ZRANB2: variants seen among roughly 807,000 people sequenced by gnomAD.
The protein encoded by ZRANB2 is zinc finger RANBP2-type containing 2.
ZRANB2 carries 19 observed loss-of-function variants against 53.4 expected under a neutral mutation model. The observed-to-expected ratio is 0.36, with a 90% CI of 0.25 to 0.52. The LOEUF is 0.52. Among genes scored for constraint, ZRANB2 ranks in the 20% least tolerant of loss-of-function variants. The pLI, the probability that ZRANB2 is intolerant of heterozygous loss-of-function variation, is 0.93. For missense variants in ZRANB2, 309 were observed against 401.1 expected, an observed-to-expected ratio of 0.77 and a Z score of 1.96; for synonymous variants, 145 against 134.8, an observed-to-expected ratio of 1.08 and a Z score of -0.52.
chr1:71,071,879 A>G (rs570939679), intron 6 of ZRANB2, among the ~76,000 whole-genome samples: 82 of 152,256 alleles, frequency 5.4e-4, no homozygotes, highest in Admixed American at 2.5e-3. Flanking sequence ...ACCTATTTAT[A>G]TATTTCCTCC....
chr1:71,079,507 T>A (rs1383926499), intron 1 of ZRANB2, among the ~76,000 whole-genome samples: 4 of 152,306 alleles, frequency 2.6e-5, no homozygotes, highest in Non-Finnish European at 4.4e-5. Context: ...ACAATACAGA[T>A]GTGAAGTATG....
In ZRANB2 at chr1:71,066,830, G is replaced by C; in HGVS notation, c.875C>G (p.Ser292Cys). 1.2e-6 allele frequency: 2 copies of C among 1,612,422 alleles called. No homozygotes were observed. The highest frequency in any genetic ancestry group is 8.5e-7 in the Non-Finnish European group (1 of 1,179,482). Residue 292 changes from serine (S) to cysteine (C), a missense_variant, in exon 9 of 10, where the codon TCT (serine) becomes TGT (cysteine). By Grantham distance (112) the Ser-to-Cys change is moderately radical (BLOSUM62 -1). Around this residue, in one of 3 missense-constraint regions of ZRANB2, gnomAD observed 211 missense variants for 196.1 expected, o/e 1.08. Transcript: ENST00000370920. ...ERNRKRSRSR[S>C]SSSGDRKKRR... ...TTTTTTGCGATCACCAGATGAAGAA[G>C]ATCTAGAACGACTTCTCTTTCTGTT... is the stretch of plus-strand genomic sequence containing the variant.
chr1:71,069,521 G>C, intron 7 of ZRANB2, 159 bp from the exon 8 acceptor site: 1 of 458,030 alleles, frequency 2.2e-6, no homozygotes, highest in Non-Finnish European at 3.9e-6. Flanking sequence ...AATTAGATAA[G>C]ATTTAGTAAC....
In ZRANB2 at chr1:71,078,703, C is replaced by T. The variant is rs1181367010; in HGVS notation, c.62G>A (p.Gly21Glu). 1 of 1,612,290 alleles carries T rather than the reference C, an allele frequency of 6.2e-7. No individual in the cohort carries two copies. Among genetic ancestry groups the T allele is most frequent in the South Asian group, 1.1e-5 (1 of 90,820 alleles). Residue 21 changes from glycine (G) to glutamate (E), a missense_variant, in exon 2 of 10, where the codon GGA (glycine) becomes GAA (glutamate). Gly to Glu is a moderately conservative substitution (Grantham distance 98). Transcript: ENST00000370920. The stretch of plus-strand genomic sequence containing the variant: ...GGTTCTTCTAGCAAAGTTTACATTT[C>T]CACATCTAAAAACAGATTAAAAAGC... Reference protein sequence around the residue: ...GDWICPDKKCGNVNFARRTSC... With the variant: ...GDWICPDKKCENVNFARRTSC...
In ZRANB2 at chr1:71,072,214, A is replaced by C; in HGVS notation, c.420T>G (p.Gly140=). ...KKKKYRGKAV[G]PASILKEVED... is the part of the protein sequence containing the mutation. ...CAACTTCCTTTAATATAGATGCAGG[A>C]CCAACTGCTTTCCCTCTGTATTTTT... is the stretch of plus-strand genomic sequence containing the variant. The change falls in exon 6 of 10, where the codon GGT becomes GGG. Residue 140 remains glycine, a synonymous_variant. Coordinates refer to ENST00000370920, the MANE Select transcript of ZRANB2 (RefSeq NM_203350.3). 1 of 1,611,846 alleles carries C rather than the reference A, an allele frequency of 6.2e-7. No homozygotes were observed. Among genetic ancestry groups the C allele is most frequent in the Non-Finnish European group, 8.5e-7 (1 of 1,179,170 alleles).
At chr1:71,078,054 C>T (rs1302851513) in intron 3 of ZRANB2, among the ~76,000 whole-genome samples, 3 of 152,104 alleles carry the variant, frequency 2.0e-5, no homozygotes, top group Admixed American at 1.3e-4. Flanking sequence ...TTACGGCACA[C>T]AACTTATGAA....
intron 1 of ZRANB2, 115 bp downstream of exon 1, chr1:71,080,825 C>G: frequency 1.6e-6 from 2 of 1,244,178 alleles, no homozygotes; most frequent in East Asian, 4.6e-5. Flanking sequence ...TGGCGGTTCG[C>G]CGCCTCAACC....
In ZRANB2 at chr1:71,078,668, G is replaced by T. The variant is rs772654653; in HGVS notation, c.97C>A (p.Arg33=). ...TTTAAATACTTACCCCGACCACATC[G>T]ATTACAGCTGGTTCTTCTAGCAAAG... ...VNFARRTSCN[R]CGREKTTEAK... Residue 33 remains arginine (R), a synonymous_variant, in exon 2 of 10, where the codon CGA becomes AGA. Coordinates refer to ENST00000370920, the MANE Select transcript of ZRANB2 (RefSeq NM_203350.3). The T allele has an allele frequency of 2.5e-6, 4 of 1,613,024 alleles. No individual in the cohort carries two copies. The highest frequency in any genetic ancestry group is 3.4e-6 in the Non-Finnish European group (4 of 1,179,272).
At chr1:71,071,595 GT>G (rs1377485186) in intron 6 of ZRANB2, among the ~76,000 whole-genome samples, 1 of 152,044 alleles carries the variant, frequency 6.6e-6, no homozygotes, top group Admixed American at 6.6e-5. Context: ...AATGTGTGCT[GT>G]CCCCCTCATC....
chr1:71,077,190 A>G (rs1312193307), intron 3 of ZRANB2, among the ~76,000 whole-genome samples: 4 of 152,110 alleles, frequency 2.6e-5, no homozygotes, highest in Non-Finnish European at 5.9e-5. Flanking sequence ...AAATCCAAAA[A>G]CGTTCCAAAA....
intron 4 of ZRANB2, among the ~76,000 whole-genome samples, chr1:71,073,775 T>C (rs1211502534): frequency 6.6e-6 from 1 of 152,094 alleles, no homozygotes; most frequent in Non-Finnish European, 1.5e-5. Flanking sequence ...TTCAAAAGTA[T>C]GTAAATAAAA....
chr1:71,070,026 A>T (rs762638194), intron 7 of ZRANB2, among the ~76,000 whole-genome samples: 4 of 152,170 alleles, frequency 2.6e-5, no homozygotes, highest in Non-Finnish European at 4.4e-5. Context: ...CCAAAAAATT[A>T]CTAGTTATAG....
At chr1:71,079,971 C>G (rs1288806193) in intron 1 of ZRANB2, among the ~76,000 whole-genome samples, 2 of 152,084 alleles carry the variant, frequency 1.3e-5, no homozygotes, top group Non-Finnish European at 2.9e-5. Flanking sequence ...TTTACACACC[C>G]TATCCATGTT....
chr1:71,066,723 A>T (rs1661449341), intron 9 of ZRANB2, 53 bp downstream of exon 9: 2 of 1,545,492 alleles, frequency 1.3e-6, no homozygotes, highest in Non-Finnish European at 1.7e-6. Context: ...AGTTTACTTT[A>T]TCTATTAAAC....
chr1:71,074,223 G>A (rs933453611), intron 4 of ZRANB2, among the ~76,000 whole-genome samples: 4 of 152,074 alleles, frequency 2.6e-5, no homozygotes, highest in Admixed American at 6.6e-5. Flanking sequence ...ACCTTGCACA[G>A]TGGCCTATAA....
At chr1:71,076,907 G>T in intron 3 of ZRANB2, 30 bp from the exon 4 acceptor site, 7 of 1,504,472 alleles carry the variant, frequency 4.7e-6, no homozygotes, top group Non-Finnish European at 5.5e-6. Context: ...TAAATTAGTA[G>T]GCTATAATAT....
chr1:71,076,349 G>A (rs370389692), intron 4 of ZRANB2, among the ~76,000 whole-genome samples: 4 of 152,110 alleles, frequency 2.6e-5, no homozygotes, highest in Non-Finnish European at 4.4e-5. Flanking sequence ...TTTTGCAATC[G>A]ATATTTGAAA....
In ZRANB2 at chr1:71,063,591, G is replaced by C. The variant is rs1661353930; in HGVS notation, c.*1483C>G. 1 of 152,504 alleles carries C rather than the reference G, an allele frequency of 6.6e-6. No homozygotes were observed. Among genetic ancestry groups the C allele is most frequent in the South Asian group, 2.1e-4 (1 of 4,822 alleles). 9.4% of individuals were successfully genotyped at this position (152,504 alleles called of 1,614,324 possible). A position where few individuals can be genotyped will look rare whatever the true frequency, so the allele number is the denominator to read the frequency against. On this transcript the variant is annotated 3_prime_UTR_variant, in exon 10 of 10. Transcript: ENST00000370920. The stretch of plus-strand genomic sequence containing the variant: ...TAGAAGGTAGACTTTCAAAAAGTCT[G>C]AGGCACAATTACAAGTGAGTAAAAG...
At chr1:71,066,643 TGAAG>T in intron 9 of ZRANB2, 129 bp downstream of exon 9, 1 of 858,858 alleles carries the variant, frequency 1.2e-6, no homozygotes, top group Non-Finnish European at 1.8e-6. Context: ...AATGTTTTTT[TGAAG>T]TTCAAAGTTG....
Sources: allele counts gnomAD v4.1 joint callset (sites outside exome capture counted in the v4.1 genomes callset), GRCh38; gene constraint gnomAD v4.1.1; regional missense constraint gnomAD v4.1.1; transcripts MANE v1.5; gene names NCBI Gene and HGNC (gene_info 2026-07-23, HGNC 2026-07-21).